Variants in GDAP1 observed in about 807,000 individuals in gnomAD.
GDAP1 encodes ganglioside-induced differentiation-associated protein 1.
A neutral mutation model predicts 40.1 loss-of-function variants in GDAP1; 34 were observed. The observed-to-expected ratio is 0.85, with a 90% confidence interval of 0.64 to 1.13. The LOEUF is 1.13. Among genes scored for constraint, GDAP1 ranks in the 50% most tolerant of loss-of-function variants. The probability of loss-of-function intolerance (pLI) is 0.00; values close to 1 mark genes in which losing one functional copy is unlikely to be tolerated. For missense variants in GDAP1, 374 were observed against 433.7 expected (o/e 0.86, Z 1.22); for synonymous variants, 170 against 157.4 (o/e 1.08, Z -0.60).
Position 74,403,725 on chromosome 8 carries a change from A to G in GDAP1, c.165+52404A>G, listed in dbSNP as rs376945129. Among the ~76,000 whole-genome samples the G allele has an allele frequency of 5.6e-4, 84 of 150,294 alleles. 1 individual carries two copies. The South Asian group carries it at 0.017, about 30-fold the overall frequency. On this transcript the variant is annotated intron_variant, in intron 2 of 2. Transcript: ENST00000523640. ...GTTAGTAACTTTTACAGATCACTTG[A>G]TAGAACAGTGAGGATGAACTGTAAT...
intron 2 of GDAP1, among the ~76,000 whole-genome samples, chr8:74,355,645 T>C (rs1205073888): frequency 6.6e-6 from 1 of 152,214 alleles, no homozygotes; most frequent in Non-Finnish European, 1.5e-5. Flanking sequence ...TCTATTGTAC[T>C]CATAACCTCT....
intron 2 of GDAP1, among the ~76,000 whole-genome samples, chr8:74,408,256 G>A (rs569102232): frequency 4.7e-5 from 7 of 150,096 alleles, no homozygotes; most frequent in African/African-American, 7.6e-5. Flanking sequence ...ATCTATTTTT[G>A]TATTTCTATG....
At chr8:74,360,718 T>C (rs1006666281) in intron 3 of GDAP1, among the ~76,000 whole-genome samples, 1 of 152,242 alleles carries the variant, frequency 6.6e-6, no homozygotes, top group African/African-American at 2.4e-5. Flanking sequence ...TTGAGGAAAC[T>C]GGACTAGAGG....
intron 2 of GDAP1, among the ~76,000 whole-genome samples, chr8:74,404,125 G>T (rs181209682): frequency 1.3e-5 from 2 of 149,658 alleles, no homozygotes; most frequent in Non-Finnish European, 2.9e-5. Flanking sequence ...AATGTACCAG[G>T]AATATGTTAA....
chr8:74,379,274 CAAT>C (rs2131536125), intron 2 of GDAP1, among the ~76,000 whole-genome samples: 2 of 152,110 alleles, frequency 1.3e-5, no homozygotes, highest in African/African-American at 4.8e-5. Context: ...AAGTAGAGGC[CAAT>C]GATGTTGTAA....
chr8:74,352,453 A>C (rs1203786032), intron 2 of GDAP1, among the ~76,000 whole-genome samples: 1 of 152,224 alleles, frequency 6.6e-6, no homozygotes, highest in East Asian at 1.9e-4. Flanking sequence ...AAACTACAGG[A>C]AGCTGACAAA....
chr8:74,423,875 C>T (rs1805914261), intron 2 of GDAP1, among the ~76,000 whole-genome samples: 1 of 152,070 alleles, frequency 6.6e-6, no homozygotes, highest in Non-Finnish European at 1.5e-5. Context: ...AAAAAACCTT[C>T]TTGGGAAGAG....
rs371679241 is a variant in GDAP1, at chr8:74,480,092, G to A, written c.166-8586G>A. Among the ~76,000 whole-genome samples, 49 of 150,450 alleles carry A rather than the reference G, an allele frequency of 3.3e-4. No individual in the cohort carries two copies. In the East Asian group the frequency reaches 4.5e-3, roughly 14 times the overall value. ...CAACCTCTGCCTCCCAGGTTCAAGC[G>A]ATTCTCCTGCTTTAGCCTCCCGAGT... On this transcript the variant is annotated intron_variant, in intron 2 of 2. Coordinates refer to the GDAP1 transcript ENST00000523640.
Position 74,364,268 on chromosome 8 carries a change from T to G in GDAP1, c.978T>G (p.Val326=). Residue 326 remains valine (V), a synonymous_variant, in exon 6 of 6, where the codon GTT becomes GTG. Transcript: ENST00000220822. ...APKVLGTTLV[V]GLLAGVGYFA... ...AAGTTCTTGGCACGACCCTTGTGGT[T>G]GGTTTGCTTGCAGGAGTGGGATATT... The G allele has an allele frequency of 6.2e-7, 1 of 1,614,178 alleles. No individual in the cohort carries two copies. The highest frequency in any genetic ancestry group is 1.6e-4 in the Middle Eastern group (1 of 6,062).
chr8:74,364,759 A>T lies in GDAP1; in HGVS notation c.*392A>T. 4.4e-6 allele frequency: 2 copies of T among 459,136 alleles called. No individual in the cohort carries two copies. The highest frequency in any genetic ancestry group is 8.7e-6 in the Non-Finnish European group (2 of 230,402). 28.4% of individuals were successfully genotyped at this position (459,136 alleles called of 1,614,324 possible). On this transcript the variant is annotated 3_prime_UTR_variant, in exon 6 of 6. Coordinates refer to ENST00000220822, the MANE Select transcript of GDAP1 (RefSeq NM_018972.4). ...TTCTGTAATTGAGAACTCTTAGGAG[A>T]GGACTAGGGAATCACTGGGGATAGT...
chr8:74,473,050 G>A (rs759599399), intron 2 of GDAP1, among the ~76,000 whole-genome samples: 1 of 151,200 alleles, frequency 6.6e-6, no homozygotes, highest in Non-Finnish European at 1.5e-5. Context: ...GTGCCCAGCC[G>A]AGCTTTTTTT....
In GDAP1 at chr8:74,359,779, A is replaced by G. The variant is rs115131490; in HGVS notation, c.311-358A>G. Among the ~76,000 whole-genome samples the G allele has an allele frequency of 6.8e-3, 1,042 of 152,302 alleles. 11 individuals carry two copies. Among genetic ancestry groups the G allele is most frequent in the African/African-American group, 0.024 (993 of 41,562 alleles). On this transcript the variant is annotated intron_variant, in intron 2 of 5. Coordinates refer to ENST00000220822, the MANE Select transcript of GDAP1 (RefSeq NM_018972.4). Reference sequence around the variant, plus strand: ...ATAAGGGCTGTAACAGAGTGTGTGTAATGTGTTATGGATGTATAGAAGAAG... The same window carrying G: ...ATAAGGGCTGTAACAGAGTGTGTGTGATGTGTTATGGATGTATAGAAGAAG...
chr8:74,429,853 T>C (rs1476735513), intron 2 of GDAP1, among the ~76,000 whole-genome samples: 1 of 152,070 alleles, frequency 6.6e-6, no homozygotes, highest in Non-Finnish European at 1.5e-5. Context: ...TATTTTTAAT[T>C]ATATTTAGAA....
intron 2 of GDAP1, among the ~76,000 whole-genome samples, chr8:74,374,874 AT>A (rs1809824911): frequency 6.6e-6 from 1 of 152,224 alleles, no homozygotes; most frequent in Non-Finnish European, 1.5e-5. Flanking sequence ...TACAAAGAAG[AT>A]TCAAGGCCTA....
chr8:74,450,784 G>T (rs1806291539), intron 2 of GDAP1, among the ~76,000 whole-genome samples: 2 of 75,912 alleles, frequency 2.6e-5, no homozygotes, highest in African/African-American at 1.2e-4. Flanking sequence ...GATATGTTTG[G>T]ATTTATGTCC....
intron 2 of GDAP1, among the ~76,000 whole-genome samples, chr8:74,475,986 T>G (rs1806624248): frequency 6.6e-6 from 1 of 152,226 alleles, no homozygotes; most frequent in African/African-American, 2.4e-5. Flanking sequence ...GCATATATAT[T>G]TAAGATGGTT....
chr8:74,447,537 T>C (rs1229844810), intron 2 of GDAP1, among the ~76,000 whole-genome samples: 1 of 152,110 alleles, frequency 6.6e-6, no homozygotes, highest in Non-Finnish European at 1.5e-5. Flanking sequence ...AGTCAAAACA[T>C]AGGCACACAA....
rs75668679 is a variant in GDAP1 at position 74,361,257 on chromosome 8, G to T, written c.485-627G>T. Among the ~76,000 whole-genome samples, 19 of 152,154 alleles carry T rather than the reference G, an allele frequency of 1.2e-4. No individual in the cohort carries two copies. The East Asian group carries it at 3.7e-3, about 29-fold the overall frequency. On this transcript the variant is annotated intron_variant, in intron 3 of 5. Coordinates refer to ENST00000220822, the MANE Select transcript of GDAP1 (RefSeq NM_018972.4). ...AAGGCTTTTTCCTCCCTTCATATAG[G>T]AGTTCATTATAGAAAGCTTGAAAGG...
intron 2 of GDAP1, among the ~76,000 whole-genome samples, chr8:74,354,873 G>C (rs545936368): frequency 6.6e-6 from 1 of 152,184 alleles, no homozygotes; most frequent in Non-Finnish European, 1.5e-5. Context: ...GTGTGCAGTC[G>C]CCCATGGTCA....
Sources: gnomAD v4.1 joint callset for allele counts (sites outside exome capture counted in the v4.1 genomes callset) on GRCh38, gnomAD v4.1.1 for gene constraint, MANE v1.5 for transcripts, NCBI Gene and HGNC (gene_info 2026-07-23, HGNC 2026-07-21) for gene names.